Variants in NTNG2 observed in about 807,000 individuals in gnomAD.
The protein encoded by NTNG2 is netrin-G2.
NTNG2 carries 15 observed loss-of-function variants against 47.6 expected under a neutral mutation model. The observed-to-expected ratio is 0.32, with a 90% CI of 0.21 to 0.49. The LOEUF is 0.49. Ranked by LOEUF, NTNG2 falls within the 20% of genes least tolerant of loss-of-function variation. The probability of loss-of-function intolerance (pLI) is 0.99; values close to 1 mark genes in which losing one functional copy is unlikely to be tolerated. For missense variants in NTNG2, 578 were observed against 764.6 expected (o/e 0.76, Z 2.88); for synonymous variants, 307 against 324.6 (o/e 0.95, Z 0.58).
rs891128167 is a variant in NTNG2, at chr9:132,163,639, C to A, written c.-484+1400C>A. Among the ~76,000 whole-genome samples, 47 of 152,164 alleles carry A rather than the reference C, an allele frequency of 3.1e-4. No individual in the cohort carries two copies. Among genetic ancestry groups the A allele is most frequent in the African/African-American group, 1.1e-3 (47 of 41,534 alleles). ...GGGGTGGGCTGAGTATCCCCCCTAG[C>A]CCCGGGAGCCCCCAGCGCCCTCCCT... On this transcript the variant is annotated intron_variant, in intron 1 of 7. Coordinates refer to ENST00000393229, the MANE Select transcript of NTNG2 (RefSeq NM_032536.4). The surrounding 1 kb of genome is among the most constrained non-coding windows in gnomAD (Gnocchi z 7.2).
chr9:132,165,297 T>C (rs1003871825), intron 1 of NTNG2, among the ~76,000 whole-genome samples: 2 of 152,162 alleles, frequency 1.3e-5, no homozygotes, highest in East Asian at 3.8e-4. Flanking sequence ...TCTATTTTGA[T>C]ATAATATATT....
At chr9:132,233,005 A>G (rs533506299) in intron 5 of NTNG2, 1 of 152,362 alleles carries the variant, frequency 6.6e-6, no homozygotes. Flanking sequence ...TTTCTGCAGG[A>G]GGCATTTACA....
chr9:132,188,354 G>A (rs1464350768), intron 2 of NTNG2, among the ~76,000 whole-genome samples: 2 of 152,242 alleles, frequency 1.3e-5, no homozygotes, highest in Non-Finnish European at 1.5e-5. Context: ...CGTGGAACCC[G>A]AGTCTGCGGG....
intron 2 of NTNG2, among the ~76,000 whole-genome samples, chr9:132,187,903 C>T (rs910465940): frequency 6.6e-6 from 1 of 152,228 alleles, no homozygotes; most frequent in Admixed American, 6.5e-5. Context: ...CAGAGGCGGA[C>T]AGCCCACTCC....
At position 132,198,516 on chromosome 9, in the gene NTNG2, G is replaced by A. The variant is rs189624441; in HGVS notation, c.764G>A (p.Arg255Gln). ...TTCACCCTCACCGACCTGCGCATGC[G>A]GCTGCTGCGCCCGGCGCTGGGCGGC... is the stretch of plus-strand genomic sequence containing the variant. Reference protein sequence around the residue: ...EFFTLTDLRMRLLRPALGGTY... With the variant: ...EFFTLTDLRMQLLRPALGGTY... Residue 255 changes from arginine (R) to glutamine (Q), a missense_variant, in exon 3 of 8, where the codon CGG becomes CAG. Transcript: ENST00000393229. The A allele has an allele frequency of 6.8e-6, 11 of 1,613,092 alleles. No individual in the cohort carries two copies. The East Asian group carries it at 1.1e-4, about 16-fold the overall frequency.
chr9:132,174,293 G>A (rs967163906), intron 2 of NTNG2, among the ~76,000 whole-genome samples: 7 of 138,332 alleles, frequency 5.1e-5, no homozygotes, highest in African/African-American at 2.1e-4. Flanking sequence ...CAGGCAGGCC[G>A]CACCATGCTG....
At chr9:132,211,564 G>A (rs1335009771) in intron 3 of NTNG2, among the ~76,000 whole-genome samples, 1 of 152,048 alleles carries the variant, frequency 6.6e-6, no homozygotes, top group Non-Finnish European at 1.5e-5. Flanking sequence ...CCAAAGGCTG[G>A]GTCTCTCGGG....
chr9:132,179,995 T>C (rs915280855), intron 2 of NTNG2, among the ~76,000 whole-genome samples: 1 of 152,090 alleles, frequency 6.6e-6, no homozygotes, highest in African/African-American at 2.4e-5. Flanking sequence ...AATCTAACCC[T>C]GGAGTGTTCC....
chr9:132,241,780 C>A, intron 7 of NTNG2, 96 bp from the exon 8 acceptor site: 1 of 897,306 alleles, frequency 1.1e-6, no homozygotes, highest in Non-Finnish European at 1.6e-6. Context: ...GCCCAGACGG[C>A]GCCCCCGGGA....
At chr9:132,189,093 T>TTTTTTTTTTTTTTTTTTG (rs1181474592) in intron 2 of NTNG2, among the ~76,000 whole-genome samples, 1 of 140,662 alleles carries the variant, frequency 7.1e-6, no homozygotes, top group Non-Finnish European at 1.5e-5. Flanking sequence ...TTTTTTTTTT[T>TTTTTTTTTTTTTTTTTTG]TTAGACAGGG....
At chr9:132,235,646 C>T (rs1408645795) in intron 5 of NTNG2, among the ~76,000 whole-genome samples, 1 of 152,182 alleles carries the variant, frequency 6.6e-6, no homozygotes, top group Non-Finnish European at 1.5e-5. Context: ...CTTCTTCCCC[C>T]CAAGAGTGGA....
At chr9:132,229,818 G>C (rs559368925) in intron 4 of NTNG2, among the ~76,000 whole-genome samples, 31 of 152,340 alleles carry the variant, frequency 2.0e-4, no homozygotes, top group African/African-American at 7.5e-4. Flanking sequence ...AACACCGTGG[G>C]GAAAGCTGTG....
At chr9:132,240,658 C>T (rs533470243) in intron 6 of NTNG2, 1 of 585,506 alleles carries the variant, frequency 1.7e-6, no homozygotes, top group Non-Finnish European at 3.0e-6. Flanking sequence ...CAGGCCACAC[C>T]AGTGCCAGGG....
rs1351862585 is a variant in NTNG2 at position 132,175,517 on chromosome 9, CA to C, written c.213+8474del. On this transcript the variant is annotated intron_variant, in intron 2 of 7. Coordinates refer to ENST00000393229, the MANE Select transcript of NTNG2 (RefSeq NM_032536.4). ...AGAGTCCCTGTGGCCAGCACTGATG[CA>C]GGGCTCCTTCCTAGAGGGGCCGGGC... 1.7e-4 allele frequency among the ~76,000 whole-genome samples: 26 copies of C among 152,314 alleles called. No homozygotes were observed. The East Asian group carries it at 4.4e-3, about 26-fold the overall frequency.
In NTNG2 at chr9:132,239,391, T is replaced by G. The variant is rs568230714; in HGVS notation, c.1222+120T>G. ...TCACCTGGGGAGACTGTGGGAATTC[T>G]AACTCCAGGGCCCTCTCCAGTTGAG... On this transcript the variant is annotated intron_variant, in intron 6 of 7. Transcript: ENST00000393229. 2.6e-5 allele frequency: 24 copies of G among 928,494 alleles called. No individual in the cohort carries two copies. In the African/African-American group the frequency reaches 4.0e-4, roughly 15 times the overall value. The allele number at this position is 928,494 out of a possible 1,614,324, so 57.5% of individuals were successfully genotyped here. A position where few individuals can be genotyped will look rare whatever the true frequency, so the allele number is the denominator to read the frequency against.
intron 3 of NTNG2, among the ~76,000 whole-genome samples, chr9:132,210,618 G>A (rs1009397596): frequency 6.6e-6 from 1 of 152,182 alleles, no homozygotes; most frequent in East Asian, 1.9e-4. Flanking sequence ...CATGACACCC[G>A]GCAGGCTCCT....
chr9:132,196,938 G>A (rs1457488159), intron 2 of NTNG2, among the ~76,000 whole-genome samples: 1 of 152,142 alleles, frequency 6.6e-6, no homozygotes, highest in Non-Finnish European at 1.5e-5. Flanking sequence ...ACAGCTCACG[G>A]AACTCAGAAA....
intron 6 of NTNG2, chr9:132,240,465 G>C (rs1019389116): frequency 4.1e-6 from 1 of 241,904 alleles, no homozygotes; most frequent in African/African-American, 2.3e-5. Context: ...CCGGGAGCAG[G>C]AATAGGCTGT....
chr9:132,200,786 C>T (rs1254316618), intron 3 of NTNG2, among the ~76,000 whole-genome samples: 1 of 152,214 alleles, frequency 6.6e-6, no homozygotes, highest in Non-Finnish European at 1.5e-5. Context: ...CTCTAACCCA[C>T]CTCCAATTGG....
Sources: gnomAD v4.1 joint callset for allele counts (sites outside exome capture counted in the v4.1 genomes callset) on GRCh38, gnomAD v4.1.1 for gene constraint, Gnocchi (gnomAD v3.1) non-coding constraint, MANE v1.5 for transcripts, NCBI Gene and HGNC (gene_info 2026-07-23, HGNC 2026-07-21) for gene names.